The following LPGAT1 variants were observed in gnomAD, a reference collection of about 807,000 sequenced individuals.
LPGAT1 encodes the protein acyl-CoA:lysophosphatidylglycerol acyltransferase 1.
Under a neutral mutation model 47.5 loss-of-function variants are expected in LPGAT1, and 11 were observed. The observed-to-expected ratio is 0.23, with a 90% CI of 0.15 to 0.38. The LOEUF is 0.38. LPGAT1 is among the 10% of genes least tolerant of loss of function. The probability of loss-of-function intolerance (pLI) is 1.00; values close to 1 mark genes in which losing one functional copy is unlikely to be tolerated. For synonymous variants in LPGAT1, 138 were observed against 144.2 expected (o/e 0.96, Z 0.31); for missense variants, 293 against 439.0 (o/e 0.67, Z 2.97).
At chr1:211,753,074 A>G (rs1657272797) in intron 6 of LPGAT1, among the ~76,000 whole-genome samples, 1 of 152,184 alleles carries the variant, frequency 6.6e-6, no homozygotes, top group Non-Finnish European at 1.5e-5. Flanking sequence ...CTTGCATCAG[A>G]CATTCTTTCA....
At chr1:211,768,459 A>T (rs1306654916) in intron 6 of LPGAT1, among the ~76,000 whole-genome samples, 2 of 152,218 alleles carry the variant, frequency 1.3e-5, no homozygotes, top group Non-Finnish European at 1.5e-5. Flanking sequence ...CATGGCAGCC[A>T]CTATGCTGCC....
At chr1:211,760,665 A>T (rs1323273334) in intron 6 of LPGAT1, among the ~76,000 whole-genome samples, 5 of 152,122 alleles carry the variant, frequency 3.3e-5, no homozygotes, top group Non-Finnish European at 2.9e-5. Flanking sequence ...CTTAAAAGCA[A>T]ACTCTATTTT....
rs145735847 is a variant in LPGAT1 at position 211,751,631 on chromosome 1, C to G, written c.855-564G>C. 3.3e-3 allele frequency among the ~76,000 whole-genome samples: 501 copies of G among 152,230 alleles called. 2 individuals are homozygous for G. Among genetic ancestry groups the G allele is most frequent in the Middle Eastern group, 0.02 (6 of 294 alleles). ...CTCAAGATCTGAGACCATGTCCTGA[C>G]TCACCAGGAAACACGATTGTGATTA... On this transcript the variant is annotated intron_variant, in intron 6 of 7. Coordinates refer to ENST00000366997, the MANE Select transcript of LPGAT1 (RefSeq NM_014873.3).
At chr1:211,809,041 CA>C (rs879579584) in intron 2 of LPGAT1, among the ~76,000 whole-genome samples, 359 of 131,990 alleles carry the variant, frequency 2.7e-3, no homozygotes, top group Non-Finnish European at 2.1e-3. Flanking sequence ...ACTAAAAATA[CA>C]AAAAAAAAAA....
Position 211,811,694 on chromosome 1 carries a change from G to C in LPGAT1, c.238+17365C>G, listed in dbSNP as rs1659994048. 2.6e-5 allele frequency among the ~76,000 whole-genome samples: 4 copies of C among 152,118 alleles called. No homozygotes were observed. In the Middle Eastern group the frequency reaches 0.014, roughly 517 times the overall value. ...ATTGCTTGAACCTGGGAGGTGGAGG[G>C]TGCAGTGTGCCAAGATCCTGCCACC... is the stretch of plus-strand genomic sequence containing the variant. On this transcript the variant is annotated intron_variant, in intron 2 of 7. Transcript: ENST00000366997.
intron 6 of LPGAT1, among the ~76,000 whole-genome samples, chr1:211,756,904 C>CTT (rs1165936082): frequency 7.8e-6 from 1 of 128,174 alleles, no homozygotes; most frequent in Non-Finnish European, 1.6e-5. Flanking sequence ...CATGGAGAGT[C>CTT]TTTGCTTTTT....
At chr1:211,812,162 CTG>C (rs1206225200) in intron 2 of LPGAT1, among the ~76,000 whole-genome samples, 2 of 152,216 alleles carry the variant, frequency 1.3e-5, no homozygotes, top group African/African-American at 4.8e-5. Context: ...TACTGGTTAT[CTG>C]TGTTGGCACA....
intron 6 of LPGAT1, among the ~76,000 whole-genome samples, chr1:211,756,816 A>T (rs922093966): frequency 3.7e-4 from 53 of 143,474 alleles, no homozygotes; most frequent in African/African-American, 1.2e-3. Flanking sequence ...AGTGAGTGGG[A>T]CTCCCTGGCT....
chr1:211,829,029 T>C (rs1365693217), intron 2 of LPGAT1, 30 bp downstream of exon 2: 5 of 1,603,538 alleles, frequency 3.1e-6, no homozygotes, highest in Admixed American at 1.7e-5. Context: ...TTTTTTCTTA[T>C]GCATTAAAGA....
intron 6 of LPGAT1, among the ~76,000 whole-genome samples, chr1:211,778,101 G>A (rs2102529717): frequency 6.6e-6 from 1 of 152,288 alleles, no homozygotes; most frequent in South Asian, 2.1e-4. Flanking sequence ...CCAGCACTTT[G>A]GGAGGCCGAC....
intron 2 of LPGAT1, among the ~76,000 whole-genome samples, chr1:211,800,261 A>G (rs1659522068): frequency 6.8e-6 from 1 of 146,920 alleles, no homozygotes; most frequent in Non-Finnish European, 1.5e-5. Flanking sequence ...GGTCTTGGTG[A>G]TCTGCCCACC....
In LPGAT1 at chr1:211,830,073, A is replaced by C; in HGVS notation, c.-28+500T>G. On this transcript the variant is annotated intron_variant, in intron 1 of 7. Transcript: ENST00000366997. The surrounding 1 kb of genome is among the most constrained non-coding windows in gnomAD (Gnocchi z 5.9). Reference sequence around the variant, plus strand: ...AGGGCAAGGAAGCAGGGGATGATGAAAGGGGCAGAGAAGAGGCGACCGCAG... The same window carrying C: ...AGGGCAAGGAAGCAGGGGATGATGACAGGGGCAGAGAAGAGGCGACCGCAG... 3 of 984,552 alleles carry C rather than the reference A, an allele frequency of 3.0e-6. No individual in the cohort carries two copies. The highest frequency in any genetic ancestry group is 3.6e-6 in the Non-Finnish European group (3 of 830,088). 61.0% of individuals were successfully genotyped at this position (984,552 alleles called of 1,614,324 possible). A position where few individuals can be genotyped will look rare whatever the true frequency, so the allele number is the denominator to read the frequency against.
chr1:211,756,094 G>A (rs886612348), intron 6 of LPGAT1, among the ~76,000 whole-genome samples: 8 of 152,064 alleles, frequency 5.3e-5, no homozygotes, highest in African/African-American at 1.7e-4. Flanking sequence ...AAACTAGCCC[G>A]GCATAGTGGC....
chr1:211,796,795 A>T (rs187652561), intron 2 of LPGAT1, among the ~76,000 whole-genome samples: 104 of 152,318 alleles, frequency 6.8e-4, no homozygotes, highest in African/African-American at 1.3e-3. Context: ...TATGTATTAT[A>T]AATGGTTTTT....
chr1:211,752,385 TGA>T (rs965057274), intron 6 of LPGAT1, among the ~76,000 whole-genome samples: 7 of 151,666 alleles, frequency 4.6e-5, no homozygotes, highest in African/African-American at 1.5e-4. Flanking sequence ...CTTTAAATCT[TGA>T]GAGAGATGTG....
At position 211,787,680 on chromosome 1, in the gene LPGAT1, T is replaced by G. The variant is rs1251865187; in HGVS notation, c.405A>C (p.Thr135=). 9.9e-6 allele frequency: 16 copies of G among 1,609,576 alleles called. No individual in the cohort carries two copies. Among genetic ancestry groups the G allele is most frequent in the African/African-American group, 1.3e-5 (1 of 74,700 alleles). The part of the protein sequence containing the change: ...MWLMDHIFKY[T]NFGIVSLVHG... ...GAACTAGAGAAACAATTCCAAAGTT[T>G]GTGTACTTAAAAATATGATCCATCA... is the stretch of plus-strand genomic sequence containing the variant. The change falls in exon 4 of 8, where the codon ACA becomes ACC. Residue 135 remains threonine (T), a synonymous_variant. Coordinates refer to ENST00000366997, the MANE Select transcript of LPGAT1 (RefSeq NM_014873.3).
rs1659901782 is a variant in LPGAT1, at chr1:211,809,763, C to A, written c.239-16573G>T. Among the ~76,000 whole-genome samples, 3 of 152,280 alleles carry A rather than the reference C, an allele frequency of 2.0e-5. No individual in the cohort carries two copies. In the South Asian group the frequency reaches 6.2e-4, roughly 32 times the overall value. ...TTCCACCATGATTGTGAGACCTCCC[C>A]AGCCATGTGGAACTGTGAGTCATTC... On this transcript the variant is annotated intron_variant, in intron 2 of 7. Coordinates refer to ENST00000366997, the MANE Select transcript of LPGAT1 (RefSeq NM_014873.3).
At chr1:211,767,276 TTA>T (rs1036337352) in intron 6 of LPGAT1, among the ~76,000 whole-genome samples, 1 of 152,112 alleles carries the variant, frequency 6.6e-6, no homozygotes, top group Non-Finnish European at 1.5e-5. Flanking sequence ...GTAGCTGAGA[TTA>T]GAGGCACATG....
At chr1:211,755,383 T>C (rs1287082533) in intron 6 of LPGAT1, among the ~76,000 whole-genome samples, 1 of 151,274 alleles carries the variant, frequency 6.6e-6, no homozygotes, top group African/African-American at 2.4e-5. Context: ...ATAGTATAGA[T>C]AGTAGAACAT....
Sources: gnomAD v4.1 joint callset for allele counts (sites outside exome capture counted in the v4.1 genomes callset) on GRCh38, gnomAD v4.1.1 for gene constraint, Gnocchi (gnomAD v3.1) non-coding constraint, MANE v1.5 for transcripts, NCBI Gene and HGNC (gene_info 2026-07-23, HGNC 2026-07-21) for gene names.